Variants in C7orf57 observed in about 807,000 individuals in gnomAD.
C7orf57 encodes chromosome 7 open reading frame 57.
Under a neutral mutation model 39.0 loss-of-function variants are expected in C7orf57, and 33 were observed. That is an observed-to-expected ratio of 0.85 (90% CI 0.64 to 1.13). C7orf57 has a LOEUF of 1.13. Ranked by LOEUF, C7orf57 falls within the 50% of genes most tolerant of loss-of-function variation. The pLI, the probability that C7orf57 is intolerant of heterozygous loss-of-function variation, is 0.00. For synonymous variants in C7orf57, 124 were observed against 137.1 expected, an observed-to-expected ratio of 0.90 and a Z score of 0.67; for missense variants, 346 against 362.3, an observed-to-expected ratio of 0.95 and a Z score of 0.37.
At chr7:48,047,388 G>A (rs1046864721) in intron 5 of C7orf57, among the ~76,000 whole-genome samples, 3 of 152,252 alleles carry the variant, frequency 2.0e-5, no homozygotes, top group Non-Finnish European at 2.9e-5. Flanking sequence ...AGTGAACACC[G>A]TTGTCACCTG....
intron 2 of C7orf57, among the ~76,000 whole-genome samples, chr7:48,038,519 G>A (rs1341127872): frequency 6.6e-6 from 1 of 152,208 alleles, no homozygotes; most frequent in African/African-American, 2.4e-5. Context: ...GGAGACCCAG[G>A]GAAGAGCTGA....
chr7:48,049,674 G>A (rs1041797448), intron 5 of C7orf57, among the ~76,000 whole-genome samples: 1 of 152,104 alleles, frequency 6.6e-6, no homozygotes, highest in African/African-American at 2.4e-5. Context: ...TATAGCAACT[G>A]CTTTTGAGTT....
rs1222883357 is a variant in C7orf57, at chr7:48,051,867, CTTTCTCTT to C, written c.606-831_606-824del. ...TCTTTCTTTCTTTCTTTCTTTCTTT[CTTTCTCTT>C]TCTCTTTCTTTCTTTCCTTCCTTCC... is the stretch of plus-strand genomic sequence containing the variant. On this transcript the variant is annotated intron_variant, in intron 6 of 8. Transcript: ENST00000348904. Among the ~76,000 whole-genome samples the C allele has an allele frequency of 4.7e-5, 3 of 64,374 alleles. 1 individual carries two copies. The highest frequency in any genetic ancestry group is 8.8e-5 in the Non-Finnish European group (3 of 34,036). 42.2% of individuals were successfully genotyped at this position (64,374 alleles called of 152,430 possible). A position where few individuals can be genotyped will look rare whatever the true frequency, so the allele number is the denominator to read the frequency against.
At chr7:48,036,593 C>G (rs943355996) in intron 2 of C7orf57, among the ~76,000 whole-genome samples, 100 of 152,282 alleles carry the variant, frequency 6.6e-4, no homozygotes, top group African/African-American at 2.3e-3. Flanking sequence ...TCTTTATTTT[C>G]AACAAGAGAG....
chr7:48,039,688 T>C (rs913927594), intron 2 of C7orf57, among the ~76,000 whole-genome samples: 8 of 152,160 alleles, frequency 5.3e-5, no homozygotes, highest in African/African-American at 1.7e-4. Context: ...TCCAGCCAAG[T>C]TGACACATAA....
intron 8 of C7orf57, among the ~76,000 whole-genome samples, chr7:48,054,971 G>A (rs1054970964): frequency 2.6e-5 from 4 of 152,218 alleles, no homozygotes; most frequent in Admixed American, 6.5e-5. Flanking sequence ...CCGCCTCCCG[G>A]GTTCACGCCA....
chr7:48,035,756 G>A lies in C7orf57; in HGVS notation c.-102+126G>A, dbSNP rs559923986. On this transcript the variant is annotated intron_variant, in intron 1 of 8. Coordinates refer to ENST00000348904, the MANE Select transcript of C7orf57 (RefSeq NM_001100159.3). This position sits in a 1 kb window ranked among gnomAD's most constrained non-coding sequence, Gnocchi z 4.0. ...GGAGGGAGGGGACCACCTTGTCGCCGGGTTGGGATGAGCACAGGGCGGGAT... is the reference window on the plus strand; with the variant it reads ...GGAGGGAGGGGACCACCTTGTCGCCAGGTTGGGATGAGCACAGGGCGGGAT... 3.4e-6 allele frequency: 2 copies of A among 583,624 alleles called. No homozygotes were observed. Among genetic ancestry groups the A allele is most frequent in the Admixed American group, 3.1e-5 (1 of 32,442 alleles). 36.2% of individuals were successfully genotyped at this position (583,624 alleles called of 1,614,324 possible).
Position 48,036,372 on chromosome 7 carries a change from G to A in C7orf57, c.55+9G>A. 4 of 1,568,408 alleles carry A rather than the reference G, an allele frequency of 2.6e-6. No homozygotes were observed. The highest frequency in any genetic ancestry group is 3.5e-6 in the Non-Finnish European group (4 of 1,157,970). On this transcript the variant is annotated intron_variant, in intron 2 of 8. Transcript: ENST00000348904. ...CCGCTACGCTCCCTGCGGTGAGTGC[G>A]CCCTGAGCGCGTCCCGGCCAGAAAG... is the stretch of plus-strand genomic sequence containing the variant.
intron 8 of C7orf57, among the ~76,000 whole-genome samples, chr7:48,056,204 CTGA>C (rs1273562261): frequency 6.6e-6 from 1 of 152,088 alleles, no homozygotes; most frequent in Non-Finnish European, 1.5e-5. Flanking sequence ...TTGCATTTCC[CTGA>C]TGATAGTGAT....
At position 48,041,494 on chromosome 7, in the gene C7orf57, G is replaced by C; in HGVS notation, c.216G>C (p.Lys72Asn). The change falls in exon 3 of 9, where the codon AAG becomes AAC. Residue 72 changes from lysine to asparagine, a missense_variant. By Grantham distance (94) the Lys-to-Asn change is moderately conservative. Coordinates refer to ENST00000348904, the MANE Select transcript of C7orf57 (RefSeq NM_001100159.3). ...WIKETDSEYVKLAKQGGRPDL... is the reference protein window; with the variant it reads ...WIKETDSEYVNLAKQGGRPDL... ...AAGAAACAGATTCGGAATATGTGAA[G>C]CTCGCGAAACAAGGTGGCAGGCCCG... The C allele has an allele frequency of 6.2e-7, 1 of 1,611,012 alleles. No homozygotes were observed. The highest frequency in any genetic ancestry group is 8.5e-7 in the Non-Finnish European group (1 of 1,177,880).
rs1225612002 is a variant in C7orf57, at chr7:48,052,727, C to A, written c.633C>A (p.Thr211=). Residue 211 remains threonine (T), a synonymous_variant, in exon 7 of 9, where the codon ACC becomes ACA. Transcript: ENST00000348904. ...CTGGTCAAAAAAACAGTTCACCTAC[C>A]AATTTTTCCAAACTCATTAGCAATG... ...PVPGQKNSSP[T]NFSKLISNGY... 1 of 1,613,926 alleles carries A rather than the reference C, an allele frequency of 6.2e-7. No homozygotes were observed. The highest frequency in any genetic ancestry group is 1.1e-5 in the South Asian group (1 of 91,080).
At chr7:48,044,048 A>C (rs528198610) in intron 4 of C7orf57, among the ~76,000 whole-genome samples, 1 of 152,206 alleles carries the variant, frequency 6.6e-6, no homozygotes, top group South Asian at 2.1e-4. Flanking sequence ...CACGGAAGAG[A>C]ACCGTGGAAC....
intron 8 of C7orf57, among the ~76,000 whole-genome samples, chr7:48,056,171 T>G (rs1366303619): frequency 6.6e-6 from 1 of 152,234 alleles, no homozygotes; most frequent in Non-Finnish European, 1.5e-5. Flanking sequence ...AGGTGTGAGA[T>G]GATATCTCAT....
At chr7:48,039,503 G>A (rs1344753890) in intron 2 of C7orf57, among the ~76,000 whole-genome samples, 4 of 151,662 alleles carry the variant, frequency 2.6e-5, no homozygotes, top group African/African-American at 9.7e-5. Context: ...GTCAGCTGGC[G>A]GGTGGTGGGG....
rs1159968443 is a variant in C7orf57 at position 48,043,526 on chromosome 7, T to C, written c.287T>C (p.Val96Ala). 6.2e-7 allele frequency: 1 copy of C among 1,613,906 alleles called. No individual in the cohort carries two copies. Among genetic ancestry groups the C allele is most frequent in the South Asian group, 1.1e-5 (1 of 91,052 alleles). ...CCTGGAACCAGGAAAGGCTCTCCAG[T>C]GGCCTACTCCCTGCCAGACTGGTAT... ...FAPGTRKGSPVAYSLPDWYIH... is the reference protein window; with the variant it reads ...FAPGTRKGSPAAYSLPDWYIH... The change falls in exon 4 of 9, where the codon GTG (valine) becomes GCG (alanine). Residue 96 changes from valine to alanine, a missense_variant. Val to Ala is a moderately conservative substitution (Grantham distance 64). Coordinates refer to ENST00000348904, the MANE Select transcript of C7orf57 (RefSeq NM_001100159.3).
Position 48,036,371 on chromosome 7 carries a change from C to T in C7orf57, c.55+8C>T. On this transcript the variant is annotated splice_region_variant and intron_variant, in intron 2 of 8. Coordinates refer to ENST00000348904, the MANE Select transcript of C7orf57 (RefSeq NM_001100159.3). ...ACCGCTACGCTCCCTGCGGTGAGTG[C>T]GCCCTGAGCGCGTCCCGGCCAGAAA... The T allele has an allele frequency of 1.3e-6, 2 of 1,567,690 alleles. No homozygotes were observed. The highest frequency in any genetic ancestry group is 8.6e-7 in the Non-Finnish European group (1 of 1,157,500).
chr7:48,053,047 C>T (rs17629333), intron 7 of C7orf57, 124 bp downstream of exon 7: 268,699 of 791,834 alleles, frequency 0.34, 47,867 homozygotes, highest in Middle Eastern at 0.53. Context: ...CATGTGAAAA[C>T]GCCCACAGAA....
At chr7:48,040,798 T>A (rs1291876833) in intron 2 of C7orf57, among the ~76,000 whole-genome samples, 1 of 152,190 alleles carries the variant, frequency 6.6e-6, no homozygotes, top group Non-Finnish European at 1.5e-5. Flanking sequence ...CACTCTTGTG[T>A]TATTGGTAAA....
chr7:48,046,570 C>G lies in C7orf57; in HGVS notation c.461C>G (p.Thr154Arg). Reference sequence around the variant, plus strand: ...GGGCCCTTCGACTTCGACATGAAAACAGTTTGGCAAAGAGAGGCTGAGGAA... The same window carrying G: ...GGGCCCTTCGACTTCGACATGAAAAGAGTTTGGCAAAGAGAGGCTGAGGAA... ...RRGPFDFDMK[T>R]VWQREAEELE... Residue 154 changes from threonine (T) to arginine (R), a missense_variant, in exon 5 of 9, where the codon ACA (threonine) becomes AGA (arginine). Coordinates refer to ENST00000348904, the MANE Select transcript of C7orf57 (RefSeq NM_001100159.3). 6.2e-7 allele frequency: 1 copy of G among 1,613,720 alleles called. No homozygotes were observed. Among genetic ancestry groups the G allele is most frequent in the Non-Finnish European group, 8.5e-7 (1 of 1,179,774 alleles).
Sources: allele counts gnomAD v4.1 joint callset (sites outside exome capture counted in the v4.1 genomes callset), GRCh38; gene constraint gnomAD v4.1.1; non-coding constraint Gnocchi (gnomAD v3.1); transcripts MANE v1.5; gene names NCBI Gene and HGNC (gene_info 2026-07-23, HGNC 2026-07-21).